The following SIRPG variants were observed in gnomAD, a reference collection of about 807,000 sequenced individuals.
The protein encoded by SIRPG is signal-regulatory protein gamma.
A neutral mutation model predicts 35.7 loss-of-function variants in SIRPG; 38 were observed. The ratio of observed to expected loss-of-function variants is 1.06; its 90% confidence interval spans 0.82 to 1.40. The LOEUF is 1.40. Among genes scored for constraint, SIRPG ranks in the 40% most tolerant of loss-of-function variants. SIRPG has a pLI of 0.00. For synonymous variants in SIRPG, 215 were observed against 190.4 expected (o/e 1.13, Z -1.06); for missense variants, 519 against 483.0 (o/e 1.07, Z -0.70).
At chr20:1,636,770 A>G (rs1434315512) in intron 2 of SIRPG, among the ~76,000 whole-genome samples, 1 of 152,186 alleles carries the variant, frequency 6.6e-6, no homozygotes, top group African/African-American at 2.4e-5. Context: ...ACATAGGGTG[A>G]CTTCCACCAA....
At chr20:1,681,462 C>T in the SIRPG span, among the ~76,000 whole-genome samples, 1 of 152,126 alleles carries the variant, frequency 6.6e-6, no homozygotes, top group African/African-American at 2.4e-5. Flanking sequence ...GAATCTCTAC[C>T]TTGGATATAA....
chr20:1,645,278 C>T (rs1362462493), intron 2 of SIRPG, among the ~76,000 whole-genome samples: 1 of 152,156 alleles, frequency 6.6e-6, no homozygotes, highest in Non-Finnish European at 1.5e-5. Flanking sequence ...AGCCCCAACC[C>T]TATGGGGCAT....
the SIRPG span, among the ~76,000 whole-genome samples, chr20:1,674,392 G>T: frequency 1.3e-5 from 2 of 152,148 alleles, no homozygotes; most frequent in Non-Finnish European, 2.9e-5. Flanking sequence ...TGCACTCCAG[G>T]TGCTGCTCTG....
chr20:1,634,371 TC>T (rs1416031183), intron 4 of SIRPG, among the ~76,000 whole-genome samples: 1 of 151,456 alleles, frequency 6.6e-6, no homozygotes, highest in Admixed American at 6.6e-5. Flanking sequence ...CACGCCCGGC[TC>T]ATTTTTTTGT....
chr20:1,671,754 C>T, the SIRPG span, among the ~76,000 whole-genome samples: 3 of 152,030 alleles, frequency 2.0e-5, no homozygotes, highest in South Asian at 2.1e-4. Context: ...AGGGATGGGC[C>T]GAAGTAAAGG....
At chr20:1,629,978 C>T (rs2091735605) in intron 5 of SIRPG, among the ~76,000 whole-genome samples, 1 of 152,208 alleles carries the variant, frequency 6.6e-6, no homozygotes, top group African/African-American at 2.4e-5. Context: ...CTCATCACTG[C>T]CTCCATGAAA....
At chr20:1,630,050 A>T (rs2091736270) in intron 5 of SIRPG, among the ~76,000 whole-genome samples, 172 bp downstream of exon 5, 1 of 152,132 alleles carries the variant, frequency 6.6e-6, no homozygotes, top group Non-Finnish European at 1.5e-5. Flanking sequence ...TACACCACCC[A>T]CATAATTTCT....
the SIRPG span, among the ~76,000 whole-genome samples, chr20:1,669,330 T>C: frequency 5.3e-5 from 8 of 152,348 alleles, no homozygotes; most frequent in South Asian, 1.7e-3. Context: ...CTACTGGATG[T>C]TTGAAGCAGG....
At chr20:1,652,617 A>T (rs898764667) in intron 1 of SIRPG, among the ~76,000 whole-genome samples, 4 of 152,240 alleles carry the variant, frequency 2.6e-5, no homozygotes, top group African/African-American at 9.6e-5. Context: ...ACACATGATC[A>T]TCTATTTTGA....
chr20:1,677,749 T>C, the SIRPG span, among the ~76,000 whole-genome samples: 5 of 152,130 alleles, frequency 3.3e-5, no homozygotes, highest in African/African-American at 4.8e-5. Flanking sequence ...AAGAATAAAA[T>C]GGTACTGACC....
At chr20:1,638,847 A>C (rs2091826599) in intron 2 of SIRPG, among the ~76,000 whole-genome samples, 1 of 137,642 alleles carries the variant, frequency 7.3e-6, no homozygotes, top group African/African-American at 2.8e-5. Context: ...TGCAACTCCC[A>C]CTTATGAGTG....
intron 2 of SIRPG, chr20:1,638,546 T>C (rs951785886): frequency 6.6e-6 from 1 of 152,042 alleles, no homozygotes; most frequent in Non-Finnish European, 1.5e-5. Flanking sequence ...AATAAGATCA[T>C]AGGTAAAGCT....
the SIRPG span, among the ~76,000 whole-genome samples, chr20:1,677,566 C>A: frequency 4.6e-5 from 7 of 152,126 alleles, no homozygotes; most frequent in Non-Finnish European, 1.0e-4. Context: ...TTGTTTTAAG[C>A]CCCTGGGAAT....
intron 3 of SIRPG, 92 bp downstream of exon 3, chr20:1,636,096 A>ATTCCCT (rs2091797736): frequency 6.4e-7 from 1 of 1,565,606 alleles, no homozygotes; most frequent in Non-Finnish European, 8.7e-7. Context: ...ATTAGATTAC[A>ATTCCCT]GGCCATTCAA....
At chr20:1,638,210 T>C (rs1022168936) in intron 2 of SIRPG, among the ~76,000 whole-genome samples, 13 of 152,020 alleles carry the variant, frequency 8.6e-5, no homozygotes, top group African/African-American at 3.1e-4. Context: ...CTCGTGTGAG[T>C]CCCTTATAGG....
chr20:1,672,731 C>T, the SIRPG span, among the ~76,000 whole-genome samples: 9 of 131,792 alleles, frequency 6.8e-5, no homozygotes, highest in African/African-American at 1.9e-4. Context: ...TTTGGCTTTT[C>T]GGCCAATCAT....
At chr20:1,652,896 G>A (rs2091950116) in intron 1 of SIRPG, among the ~76,000 whole-genome samples, 1 of 152,096 alleles carries the variant, frequency 6.6e-6, no homozygotes, top group African/African-American at 2.4e-5. Flanking sequence ...GTCAGATCCT[G>A]GCACATAGTA....
At chr20:1,662,725 T>G (rs1356567376), upstream of SIRPG, among the ~76,000 whole-genome samples, 1 of 152,174 alleles carries the variant, frequency 6.6e-6, no homozygotes, top group African/African-American at 2.4e-5. Context: ...TACCAGGGCT[T>G]CATGGTTTCC....
the SIRPG span, among the ~76,000 whole-genome samples, chr20:1,673,788 A>G: frequency 6.6e-6 from 1 of 152,230 alleles, no homozygotes; most frequent in African/African-American, 2.4e-5. Context: ...TGGAAGGAAT[A>G]GGAAACAGAT....
Sources: gnomAD v4.1 joint callset for allele counts (sites outside exome capture counted in the v4.1 genomes callset) on GRCh38, gnomAD v4.1.1 for gene constraint, MANE v1.5 for transcripts, NCBI Gene and HGNC (gene_info 2026-07-23, HGNC 2026-07-21) for gene names.